DLC1: variants seen among roughly 807,000 people sequenced by gnomAD.
The protein encoded by DLC1 is rho GTPase-activating protein 7.
In DLC1, 54 loss-of-function variants were observed where a neutral mutation model predicts 140.3. The ratio of observed to expected loss-of-function variants is 0.38; its 90% CI spans 0.31 to 0.48. The LOEUF (loss-of-function observed/expected upper bound fraction) is 0.48, where lower values mean the gene tolerates loss of function less well. Ranked by LOEUF, DLC1 falls within the 20% of genes least tolerant of loss-of-function variation. The pLI is 0.96. For missense variants in DLC1, 2,536 were observed against 1,907.0 expected (o/e 1.33, Z -6.14); for synonymous variants, 986 against 728.1 (o/e 1.35, Z -5.70).
At position 13,453,439 on chromosome 8, in the gene DLC1, T is replaced by C. The variant is rs28376589; in HGVS notation, c.1023+45610A>G. Among the ~76,000 whole-genome samples, 38 of 32,884 alleles carry C rather than the reference T, an allele frequency of 1.2e-3. 2 individuals carry two copies. Among genetic ancestry groups the C allele is most frequent in the African/African-American group, 5.8e-3 (35 of 6,060 alleles). The allele number at this position is 32,884 out of a possible 152,430, so 21.6% of individuals were successfully genotyped here. ...ATATATATATGTGTATATATATATG[T>C]ATATATATACATATATATATGTATA... On this transcript the variant is annotated intron_variant, in intron 2 of 17. Transcript: ENST00000276297.
intron 5 of DLC1, chr8:13,214,214 T>C (rs1180802993): frequency 6.2e-6 from 1 of 162,048 alleles, no homozygotes; most frequent in Non-Finnish European, 1.3e-5. Flanking sequence ...TGAGCAGACA[T>C]TATGGATGGC....
intron 5 of DLC1, among the ~76,000 whole-genome samples, chr8:13,237,556 A>C (rs766981640): frequency 6.6e-6 from 1 of 151,962 alleles, no homozygotes; most frequent in Admixed American, 6.6e-5. Flanking sequence ...TGGTGCACCC[A>C]TCACCCCAGC....
At chr8:13,331,045 G>C (rs978664011) in intron 4 of DLC1, among the ~76,000 whole-genome samples, 1 of 152,124 alleles carries the variant, frequency 6.6e-6, no homozygotes, top group Non-Finnish European at 1.5e-5. Flanking sequence ...GAGGAGAAAA[G>C]CTCACTACCT....
At chr8:13,319,821 C>CTTTTTTTTTTTTTTTTTT (rs57585674) in intron 4 of DLC1, among the ~76,000 whole-genome samples, 1 of 88,976 alleles carries the variant, frequency 1.1e-5, no homozygotes, top group Non-Finnish European at 1.9e-5. Context: ...CTCTCTCTCT[C>CTTTTTTTTTTTTTTTTTT]TTTTTTTTTT....
chr8:13,601,090 A>C (rs1476337727), intron 1 of DLC1, among the ~76,000 whole-genome samples: 2 of 151,814 alleles, frequency 1.3e-5, no homozygotes, highest in African/African-American at 2.4e-5. Flanking sequence ...GCCCTCCTAA[A>C]GACACACCTT....
At chr8:13,126,424 C>T (rs572066204) in intron 5 of DLC1, among the ~76,000 whole-genome samples, 3 of 150,408 alleles carry the variant, frequency 2.0e-5, no homozygotes, top group East Asian at 2.0e-4. Flanking sequence ...TAGTATTCCA[C>T]GTCAAATATT....
chr8:13,150,344 A>C (rs916731167), intron 5 of DLC1, among the ~76,000 whole-genome samples: 6 of 152,146 alleles, frequency 3.9e-5, no homozygotes, highest in African/African-American at 1.2e-4. Flanking sequence ...TTTTTCTTCA[A>C]ATTACATTAG....
In DLC1 at chr8:13,185,288, T is replaced by TTTTTTG. The variant is rs1554464345; in HGVS notation, c.1349-69632_1349-69631insCAAAAA. Among the ~76,000 whole-genome samples, 651 of 144,458 alleles carry TTTTTTG rather than the reference T, an allele frequency of 4.5e-3. 5 individuals are homozygous for TTTTTTG. The highest frequency in any genetic ancestry group is 0.015 in the African/African-American group (594 of 38,916). 94.8% of individuals were successfully genotyped at this position (144,458 alleles called of 152,430 possible). On this transcript the variant is annotated intron_variant, in intron 5 of 17. Transcript: ENST00000276297. The stretch of plus-strand genomic sequence containing the variant: ...TGCCAGTCTGTGTCTTTTCTGTTTT[T>TTTTTTG]TTTGTTTGTTTGTTTGTTTGTTTGT...
intron 2 of DLC1, among the ~76,000 whole-genome samples, chr8:13,455,799 C>A (rs1486413877): frequency 6.6e-6 from 1 of 152,112 alleles, no homozygotes; most frequent in South Asian, 2.1e-4. Flanking sequence ...GCACTTGAAC[C>A]CAGAGATTGA....
At chr8:13,460,708 G>T (rs1437446768) in intron 2 of DLC1, among the ~76,000 whole-genome samples, 1 of 152,222 alleles carries the variant, frequency 6.6e-6, no homozygotes, top group Non-Finnish European at 1.5e-5. Context: ...CTTTCCTGAT[G>T]GCAGACTCCT....
Position 13,419,950 on chromosome 8 carries a change from A to G in DLC1, c.1024-18331T>C, listed in dbSNP as rs537002697. Among the ~76,000 whole-genome samples the G allele has an allele frequency of 7.9e-3, 1,199 of 152,166 alleles. 7 individuals carry two copies. Among genetic ancestry groups the G allele is most frequent in the Non-Finnish European group, 0.012 (847 of 68,006 alleles). ...TCCTGCTTTAGTCTTGGGAGAGTGT[A>G]TGTGTCGAGGAATTTATCCATTTCT... On this transcript the variant is annotated intron_variant, in intron 2 of 17. Coordinates refer to ENST00000276297, the MANE Select transcript of DLC1 (RefSeq NM_182643.3).
chr8:13,098,996 T>C (rs979724262), intron 9 of DLC1, among the ~76,000 whole-genome samples: 7 of 149,182 alleles, frequency 4.7e-5, no homozygotes, highest in Non-Finnish European at 1.1e-4. Context: ...TAGGACTTGA[T>C]TTCTATCCCA....
intron 5 of DLC1, among the ~76,000 whole-genome samples, chr8:13,118,013 T>C (rs1820720273): frequency 6.9e-6 from 1 of 145,290 alleles, no homozygotes; most frequent in Non-Finnish European, 1.5e-5. Flanking sequence ...TCTTTTTTTT[T>C]TTTTTTTTTT....
intron 5 of DLC1, among the ~76,000 whole-genome samples, chr8:13,237,796 T>C (rs779189818): frequency 2.0e-5 from 3 of 152,156 alleles, no homozygotes; most frequent in Non-Finnish European, 4.4e-5. Context: ...GTGGAAATGT[T>C]TGTGGTATCT....
intron 4 of DLC1, among the ~76,000 whole-genome samples, chr8:13,344,480 T>G (rs1834226159): frequency 6.6e-6 from 1 of 151,872 alleles, no homozygotes; most frequent in Non-Finnish European, 1.5e-5. Flanking sequence ...GCAACAAGAG[T>G]GAAACTCCAT....
chr8:13,348,190 G>A (rs1476991363), intron 4 of DLC1, among the ~76,000 whole-genome samples: 1 of 152,184 alleles, frequency 6.6e-6, no homozygotes, highest in Non-Finnish European at 1.5e-5. Context: ...TGGAGGGAGA[G>A]AAAAAGGGTA....
chr8:13,305,933 G>C (rs1009214450), intron 4 of DLC1, among the ~76,000 whole-genome samples: 5 of 152,172 alleles, frequency 3.3e-5, no homozygotes, highest in Non-Finnish European at 5.9e-5. Flanking sequence ...TCCTATTTTT[G>C]GGAGAGAGAA....
chr8:13,185,321 T>TA, intron 5 of DLC1, among the ~76,000 whole-genome samples: 1 of 150,818 alleles, frequency 6.6e-6, no homozygotes, highest in South Asian at 2.1e-4. Context: ...TGTTTGTTTG[T>TA]TTTTGAGATG....
At chr8:13,250,881 G>A (rs1458635976) in intron 5 of DLC1, among the ~76,000 whole-genome samples, 3 of 151,316 alleles carry the variant, frequency 2.0e-5, no homozygotes, top group Admixed American at 6.6e-5. Flanking sequence ...ACAAAAGCAA[G>A]AAGGATAGAA....
Sources: allele counts gnomAD v4.1 joint callset (sites outside exome capture counted in the v4.1 genomes callset), GRCh38; gene constraint gnomAD v4.1.1; transcripts MANE v1.5; gene names NCBI Gene and HGNC (gene_info 2026-07-23, HGNC 2026-07-21).